FAM81A: variants seen among roughly 807,000 people sequenced by gnomAD.
FAM81A encodes protein FAM81A.
In FAM81A, 19 loss-of-function variants were observed where a neutral mutation model predicts 46.7. That is an observed-to-expected ratio of 0.41 (90% CI 0.28 to 0.60). The LOEUF is 0.60. Among genes scored for constraint, FAM81A ranks in the 20% least tolerant of loss-of-function variants. FAM81A has a pLI of 0.34. For synonymous variants in FAM81A, 183 were observed against 152.9 expected (o/e 1.20, Z -1.45); for missense variants, 377 against 453.5 (o/e 0.83, Z 1.53).
At chr15:59,451,794 A>G (rs150142683) in intron 1 of FAM81A, among the ~76,000 whole-genome samples, 85 of 137,852 alleles carry the variant, frequency 6.2e-4, no homozygotes, top group African/African-American at 2.0e-3. Context: ...TTTAGTAGAC[A>G]TGCTGTGTAT....
At chr15:59,432,330 T>C (rs1434715828) in intron 2 of FAM81A, among the ~76,000 whole-genome samples, 1 of 152,234 alleles carries the variant, frequency 6.6e-6, no homozygotes, top group African/African-American at 2.4e-5. Flanking sequence ...GTGTAAGAAA[T>C]CAGAGATAAT....
In FAM81A at chr15:59,459,937, G is replaced by A. The variant is rs1463852978; in HGVS notation, c.25G>A (p.Val9Met). The A allele has an allele frequency of 1.9e-6, 3 of 1,599,034 alleles. No individual in the cohort carries two copies. Among genetic ancestry groups the A allele is most frequent in the Non-Finnish European group, 2.6e-6 (3 of 1,171,134 alleles). The part of the protein sequence containing the change: MENMHLRR[V>M]RTMPRHSQSL... ...CCTCATGGTTCCCTTCTGCAGGCGA[G>A]TGAGAACCATGCCCCGACACAGCCA... Residue 9 changes from valine to methionine, a missense_variant, in exon 3 of 9, where the codon GTG becomes ATG. Physicochemically the swap from Val to Met is conservative, Grantham distance 21. Coordinates refer to ENST00000288228, the MANE Select transcript of FAM81A (RefSeq NM_152450.3).
In FAM81A at chr15:59,471,803, A is replaced by G. The variant is rs565569092; in HGVS notation, c.294+11597A>G. Among the ~76,000 whole-genome samples the G allele has an allele frequency of 2.2e-4, 33 of 152,218 alleles. No individual in the cohort carries two copies. The South Asian group carries it at 3.1e-3, about 14-fold the overall frequency. On this transcript the variant is annotated intron_variant, in intron 3 of 8. Transcript: ENST00000288228. ...CTCTGGCCTACATACATAGTTATCA[A>G]ATTTCACTGTTCTTTGAGATTCTCA...
intron 2 of FAM81A, among the ~76,000 whole-genome samples, chr15:59,431,792 A>G (rs1381274731): frequency 6.6e-6 from 1 of 152,194 alleles, no homozygotes; most frequent in African/African-American, 2.4e-5. Flanking sequence ...GAAAATGTCA[A>G]TTTTATTATT....
At chr15:59,517,652 G>C (rs1279837077) in intron 8 of FAM81A, among the ~76,000 whole-genome samples, 1 of 152,148 alleles carries the variant, frequency 6.6e-6, no homozygotes, top group Non-Finnish European at 1.5e-5. Flanking sequence ...GGAAATAAAA[G>C]TGCTAGTTAT....
intron 2 of FAM81A, among the ~76,000 whole-genome samples, chr15:59,403,754 G>A (rs2081082024): frequency 8.1e-6 from 1 of 123,880 alleles, no homozygotes; most frequent in African/African-American, 2.6e-5. Flanking sequence ...CACACAGGGA[G>A]GTAATTGATT....
At chr15:59,514,243 A>T (rs1392950575) in intron 6 of FAM81A, 46 bp from the exon 7 acceptor site, 9 of 1,490,846 alleles carry the variant, frequency 6.0e-6, no homozygotes, top group Non-Finnish European at 8.0e-6. Context: ...TAAAAAAAAT[A>T]AAAAATAAAC....
At chr15:59,499,033 C>G (rs2082063465) in intron 4 of FAM81A, among the ~76,000 whole-genome samples, 2 of 152,010 alleles carry the variant, frequency 1.3e-5, no homozygotes, top group South Asian at 4.1e-4. Context: ...TCCTAGTTTC[C>G]TAGTTTGTTG....
chr15:59,480,303 G>A (rs559001359), intron 3 of FAM81A, among the ~76,000 whole-genome samples: 1 of 152,260 alleles, frequency 6.6e-6, no homozygotes, highest in East Asian at 1.9e-4. Flanking sequence ...CCCAATCTAG[G>A]AAGAGTTGGA....
At chr15:59,447,472 A>G (rs1020875698) in intron 1 of FAM81A, among the ~76,000 whole-genome samples, 26 of 152,184 alleles carry the variant, frequency 1.7e-4, no homozygotes, top group Admixed American at 1.3e-4. Flanking sequence ...GGGTGGTGAG[A>G]GATGAGCTGC....
intron 2 of FAM81A, among the ~76,000 whole-genome samples, chr15:59,431,151 T>G (rs530450115): frequency 9.8e-5 from 15 of 152,318 alleles, no homozygotes; most frequent in South Asian, 8.3e-4. Context: ...AGTTACTGCT[T>G]TCCATCAGAC....
chr15:59,410,784 C>T (rs563652374), intron 2 of FAM81A, among the ~76,000 whole-genome samples: 2 of 152,322 alleles, frequency 1.3e-5, no homozygotes, highest in East Asian at 3.9e-4. Context: ...GGCTCCTTCA[C>T]CCAGGCTATT....
intron 2 of FAM81A, among the ~76,000 whole-genome samples, chr15:59,427,545 C>CG: frequency 6.6e-6 from 1 of 152,154 alleles, no homozygotes; most frequent in East Asian, 1.9e-4. Flanking sequence ...CACACTGCCC[C>CG]GCTAGGCCCC....
At chr15:59,458,475 A>G (rs957294673) in intron 1 of FAM81A, 75 bp from the exon 2 acceptor site, 2 of 967,244 alleles carry the variant, frequency 2.1e-6, no homozygotes, top group Non-Finnish European at 3.1e-6. Flanking sequence ...TCCACTTAGC[A>G]ACTTAATAAT....
intron 3 of FAM81A, among the ~76,000 whole-genome samples, chr15:59,480,724 G>A (rs1418276089): frequency 1.3e-5 from 2 of 152,024 alleles, no homozygotes; most frequent in Admixed American, 6.6e-5. Context: ...GAATTGAATT[G>A]AAAATAATGG....
intron 1 of FAM81A, among the ~76,000 whole-genome samples, chr15:59,455,323 G>A (rs935069104): frequency 2.0e-5 from 3 of 151,666 alleles, no homozygotes; most frequent in Admixed American, 2.0e-4. Context: ...GTTTAATATA[G>A]TGGAATCACT....
chr15:59,479,987 A>G (rs2081829351), intron 3 of FAM81A, among the ~76,000 whole-genome samples: 1 of 152,212 alleles, frequency 6.6e-6, no homozygotes, highest in Non-Finnish European at 1.5e-5. Flanking sequence ...TAGGGGAGCA[A>G]GAATTGAAGC....
intron 4 of FAM81A, among the ~76,000 whole-genome samples, chr15:59,504,199 TA>T (rs1282128092): frequency 2.6e-5 from 4 of 152,218 alleles, no homozygotes; most frequent in Non-Finnish European, 5.9e-5. Flanking sequence ...AATATTTTGC[TA>T]AAAAATTATG....
At chr15:59,403,322 A>G (rs2081080209) in intron 2 of FAM81A, among the ~76,000 whole-genome samples, 1 of 152,172 alleles carries the variant, frequency 6.6e-6, no homozygotes, top group African/African-American at 2.4e-5. Context: ...TGAGACCATA[A>G]GATTGGAGTC....
Sources: gnomAD v4.1 joint callset for allele counts (sites outside exome capture counted in the v4.1 genomes callset) on GRCh38, gnomAD v4.1.1 for gene constraint, MANE v1.5 for transcripts, NCBI Gene and HGNC (gene_info 2026-07-23, HGNC 2026-07-21) for gene names.